MCPH1: variants seen among roughly 807,000 people sequenced by gnomAD.
The protein encoded by MCPH1 is microcephalin 1.
MCPH1 carries 104 observed loss-of-function variants against 84.5 expected under a neutral mutation model. The observed-to-expected ratio is 1.23, with a 90% confidence interval of 1.05 to 1.45. The LOEUF is 1.45. Ranked by LOEUF, MCPH1 falls within the 40% of genes most tolerant of loss-of-function variation. The pLI, the probability that MCPH1 is intolerant of heterozygous loss-of-function variation, is 0.00. For missense variants in MCPH1, 1,498 were observed against 1,005.7 expected (o/e 1.49, Z -6.62); for synonymous variants, 514 against 366.8 (o/e 1.40, Z -4.58).
chr8:6,569,332 A>G (rs1371134373), intron 12 of MCPH1, among the ~76,000 whole-genome samples: 1 of 152,168 alleles, frequency 6.6e-6, no homozygotes, highest in African/African-American at 2.4e-5. Flanking sequence ...CCATTTTGAT[A>G]TATGTTGAAC....
At chr8:6,558,072 T>C (rs918681821) in intron 12 of MCPH1, among the ~76,000 whole-genome samples, 6 of 152,166 alleles carry the variant, frequency 3.9e-5, no homozygotes, top group Non-Finnish European at 8.8e-5. Flanking sequence ...CAAATTTTGC[T>C]CTTTGTTCCT....
At chr8:6,637,544 C>G (rs2129583210) in intron 13 of MCPH1, among the ~76,000 whole-genome samples, 1 of 152,248 alleles carries the variant, frequency 6.6e-6, no homozygotes, top group African/African-American at 2.4e-5. Flanking sequence ...ACCACTGACA[C>G]CTTAACAGAC....
chr8:6,608,486 G>T (rs996064669), intron 12 of MCPH1, among the ~76,000 whole-genome samples: 2 of 152,228 alleles, frequency 1.3e-5, no homozygotes, highest in South Asian at 4.1e-4. Flanking sequence ...GGGACTCAGG[G>T]ACTCTGTTTT....
intron 11 of MCPH1, among the ~76,000 whole-genome samples, chr8:6,492,528 T>A (rs1269116759): frequency 2.0e-5 from 3 of 151,872 alleles, no homozygotes; most frequent in Non-Finnish European, 4.4e-5. Flanking sequence ...ATTTGGTGTT[T>A]TAGACATGAA....
chr8:6,502,589 T>G (rs1812409671), intron 12 of MCPH1: 1 of 152,462 alleles, frequency 6.6e-6, no homozygotes, highest in African/African-American at 2.4e-5. Flanking sequence ...TAGTAACCCC[T>G]TCTCAGAATA....
Position 6,477,632 on chromosome 8 carries a change from G to A in MCPH1, c.1973+1G>A. ...TAGTCATGACAAGCATGCCATCTGA[G>A]TAAGTACTTGTTTTGATTTCTGTTC... On this transcript the variant is annotated splice_donor_variant, in intron 10 of 13. Transcript: ENST00000344683. LOFTEE classifies it high-confidence loss of function. 6.2e-7 allele frequency: 1 copy of A among 1,611,650 alleles called. No individual in the cohort carries two copies. Among genetic ancestry groups the A allele is most frequent in the Non-Finnish European group, 8.5e-7 (1 of 1,178,142 alleles).
At chr8:6,477,741 T>A in intron 10 of MCPH1, 110 bp downstream of exon 10, 1 of 839,016 alleles carries the variant, frequency 1.2e-6, no homozygotes, top group Non-Finnish European at 2.0e-6. Flanking sequence ...GTATCACTTT[T>A]ACTTTATAAA....
intron 4 of MCPH1, among the ~76,000 whole-genome samples, chr8:6,434,205 T>C (rs1462988229): frequency 1.3e-5 from 2 of 152,166 alleles, no homozygotes; most frequent in African/African-American, 4.8e-5. Context: ...CTAGAGAAGA[T>C]TCACAGGACC....
intron 3 of MCPH1, among the ~76,000 whole-genome samples, chr8:6,422,220 C>G (rs1800307581): frequency 6.6e-6 from 1 of 152,184 alleles, no homozygotes; most frequent in African/African-American, 2.4e-5. Context: ...GTAAGTCTAA[C>G]ATTCATCTGG....
chr8:6,409,632 A>G (rs956235625), intron 2 of MCPH1, among the ~76,000 whole-genome samples: 8 of 152,190 alleles, frequency 5.3e-5, no homozygotes, highest in East Asian at 1.9e-4. Context: ...GCATAGTGCT[A>G]TTAAGCAAAG....
intron 12 of MCPH1, chr8:6,519,835 G>A: frequency 1.2e-6 from 2 of 1,611,092 alleles, no homozygotes; most frequent in Non-Finnish European, 1.7e-6. Context: ...TAGAGCCAGG[G>A]AGTTAGTAAG....
chr8:6,510,551 C>G (rs934255742), intron 12 of MCPH1, among the ~76,000 whole-genome samples: 1 of 152,212 alleles, frequency 6.6e-6, no homozygotes, highest in African/African-American at 2.4e-5. Flanking sequence ...CCTGCATGCA[C>G]ACTGGATGCT....
intron 12 of MCPH1, among the ~76,000 whole-genome samples, chr8:6,533,904 G>C (rs946412904): frequency 6.6e-6 from 1 of 152,112 alleles, no homozygotes; most frequent in Non-Finnish European, 1.5e-5. Flanking sequence ...TTCTCTCTTA[G>C]AGCTTCTTTG....
chr8:6,633,611 G>GA (rs1055981072), intron 13 of MCPH1, among the ~76,000 whole-genome samples: 18 of 151,598 alleles, frequency 1.2e-4, no homozygotes, highest in Non-Finnish European at 1.5e-4. Flanking sequence ...GTCCCCAAGG[G>GA]AAAAAAAAGA....
intron 12 of MCPH1, among the ~76,000 whole-genome samples, chr8:6,604,827 C>CA (rs2129578562): frequency 6.6e-6 from 1 of 152,292 alleles, no homozygotes; most frequent in Admixed American, 6.5e-5. Flanking sequence ...ATACTATGAA[C>CA]AAAACTTCTT....
chr8:6,528,683 C>T (rs6990020), intron 12 of MCPH1, among the ~76,000 whole-genome samples: 85,152 of 152,140 alleles, frequency 0.56, 24,569 homozygotes, highest in East Asian at 0.81. Context: ...GAAGAATCGA[C>T]TACTCACTTC....
chr8:6,456,265 C>T (rs909513962), intron 9 of MCPH1, among the ~76,000 whole-genome samples: 2 of 152,100 alleles, frequency 1.3e-5, no homozygotes, highest in Non-Finnish European at 2.9e-5. Context: ...GTGGCGTGGG[C>T]AACACCAAGG....
chr8:6,434,054 G>T (rs1400371820), intron 4 of MCPH1, among the ~76,000 whole-genome samples: 1 of 151,938 alleles, frequency 6.6e-6, no homozygotes, highest in Non-Finnish European at 1.5e-5. Flanking sequence ...TACTTTCTCT[G>T]TGAGACCTAT....
intron 12 of MCPH1, chr8:6,563,094 GT>G: frequency 2.8e-6 from 2 of 709,194 alleles, no homozygotes; most frequent in Non-Finnish European, 4.5e-6. Flanking sequence ...AGCAAACCTG[GT>G]TTTTACTGCT....
Sources: allele counts gnomAD v4.1 joint callset (sites outside exome capture counted in the v4.1 genomes callset), GRCh38; gene constraint gnomAD v4.1.1; transcripts MANE v1.5; gene names NCBI Gene and HGNC (gene_info 2026-07-23, HGNC 2026-07-21).